DDI2: variants seen among roughly 807,000 people sequenced by gnomAD.
DDI2 encodes protein DDI1 homolog 2.
DDI2 carries 5 observed loss-of-function variants against 48.1 expected under a neutral mutation model. The ratio of observed to expected loss-of-function variants is 0.10; its 90% CI spans 0.05 to 0.22. The LOEUF is 0.22. DDI2 is among the 10% of genes least tolerant of loss of function. The pLI is 1.00. For synonymous variants in DDI2, 205 were observed against 183.6 expected, an observed-to-expected ratio of 1.12 and a Z score of -0.94; for missense variants, 285 against 506.2, an observed-to-expected ratio of 0.56 and a Z score of 4.19.
chr1:15,617,577 C>G lies in DDI2; in HGVS notation c.-94C>G, dbSNP rs897902017. On this transcript the variant is annotated 5_prime_UTR_variant, in exon 1 of 10. Transcript: ENST00000480945. ...GCGAACGAGCAGCCGGCGCCGTCCT[C>G]CCGCAGCACCAGCCAGGCCACGCCG... is the stretch of plus-strand genomic sequence containing the variant. 4.5e-6 allele frequency: 5 copies of G among 1,116,632 alleles called. No individual in the cohort carries two copies. Among genetic ancestry groups the G allele is most frequent in the Non-Finnish European group, 4.6e-6 (4 of 878,972 alleles). The allele number at this position is 1,116,632 out of a possible 1,614,324, so 69.2% of individuals were successfully genotyped here.
At chr1:15,652,249 G>T (rs1364469111) in intron 8 of DDI2, among the ~76,000 whole-genome samples, 1 of 151,200 alleles carries the variant, frequency 6.6e-6, no homozygotes, top group East Asian at 2.0e-4. Context: ...GCAGAGATAG[G>T]GTCTTGCTGT....
rs188134641 is a variant in DDI2, at chr1:15,666,371, G to A, written c.*6581G>A. On this transcript the variant is annotated 3_prime_UTR_variant, in exon 10 of 10. Transcript: ENST00000480945. ...CTCCTGGAGATGGAGGGCACACAGAGTGGTCCTCAGGCTCACCTTGACTGA... is the reference window on the plus strand; with the variant it reads ...CTCCTGGAGATGGAGGGCACACAGAATGGTCCTCAGGCTCACCTTGACTGA... The A allele has an allele frequency of 2.0e-5, 3 of 152,304 alleles. No homozygotes were observed. The highest frequency in any genetic ancestry group is 4.4e-5 in the Non-Finnish European group (3 of 68,022). The allele number at this position is 152,304 out of a possible 1,614,324, so 9.4% of individuals were successfully genotyped here. A position where few individuals can be genotyped will look rare whatever the true frequency, so the allele number is the denominator to read the frequency against.
intron 3 of DDI2, 106 bp downstream of exon 3, chr1:15,630,667 A>G (rs1242025789): frequency 2.5e-6 from 2 of 795,926 alleles, no homozygotes; most frequent in East Asian, 2.4e-5. Context: ...TGATTTATTG[A>G]ACATACCAGT....
intron 1 of DDI2, among the ~76,000 whole-genome samples, chr1:15,626,467 G>A (rs1639756533): frequency 6.6e-6 from 1 of 152,198 alleles, no homozygotes; most frequent in South Asian, 2.1e-4. Flanking sequence ...AGTGAAAGGC[G>A]AAGTCAGGAG....
At chr1:15,637,608 T>TC (rs747312225) in intron 4 of DDI2, among the ~76,000 whole-genome samples, 4 of 152,220 alleles carry the variant, frequency 2.6e-5, no homozygotes, top group African/African-American at 4.8e-5. Context: ...CCTCCGGTGA[T>TC]CCACCCGCCT....
chr1:15,626,097 T>C (rs1158392261), intron 1 of DDI2, among the ~76,000 whole-genome samples: 1 of 152,214 alleles, frequency 6.6e-6, no homozygotes, highest in Non-Finnish European at 1.5e-5. Flanking sequence ...TGCTAAAAAT[T>C]AAATCTAAAA....
At chr1:15,648,977 A>C (rs1640133810) in intron 6 of DDI2, among the ~76,000 whole-genome samples, 1 of 152,184 alleles carries the variant, frequency 6.6e-6, no homozygotes, top group South Asian at 2.1e-4. Context: ...TCACTCTTGT[A>C]ATCCCAGCAC....
chr1:15,634,524 T>A (rs916677566), intron 4 of DDI2, among the ~76,000 whole-genome samples: 2 of 121,512 alleles, frequency 1.6e-5, no homozygotes, highest in Non-Finnish European at 3.3e-5. Context: ...TTTTTAAACT[T>A]CTTATTCTTT....
chr1:15,648,851 A>C (rs1293405567), intron 6 of DDI2, among the ~76,000 whole-genome samples: 1 of 151,062 alleles, frequency 6.6e-6, no homozygotes, highest in African/African-American at 2.4e-5. Flanking sequence ...AAAAAAAAAA[A>C]ACAACCCTAA....
intron 4 of DDI2, among the ~76,000 whole-genome samples, 184 bp from the exon 5 acceptor site, chr1:15,638,123 G>A (rs1259689083): frequency 6.6e-6 from 1 of 152,118 alleles, no homozygotes; most frequent in African/African-American, 2.4e-5. Context: ...TCTGCCAGCT[G>A]TTCATCTTAC....
At chr1:15,624,652 T>C (rs915991833) in intron 1 of DDI2, among the ~76,000 whole-genome samples, 2 of 152,054 alleles carry the variant, frequency 1.3e-5, no homozygotes, top group East Asian at 3.9e-4. Flanking sequence ...TTTTTTTTTT[T>C]AGATATGCGG....
intron 5 of DDI2, among the ~76,000 whole-genome samples, chr1:15,640,119 G>A (rs1201845978): frequency 1.3e-5 from 2 of 152,080 alleles, no homozygotes; most frequent in Non-Finnish European, 2.9e-5. Context: ...TTGTGGGTAG[G>A]GCCTTGTGCT....
rs983028449 is a variant in DDI2, at chr1:15,621,464, A to G, written c.138+3656A>G. ...CAGTAGTGCGCTCACAGGTCACTGT[A>G]GCCTCAACCTCCTGGGCTCAAGTGA... On this transcript the variant is annotated intron_variant, in intron 1 of 9. Transcript: ENST00000480945. Among the ~76,000 whole-genome samples the G allele has an allele frequency of 6.2e-4, 95 of 152,174 alleles. 1 individual carries two copies. The highest frequency in any genetic ancestry group is 2.2e-3 in the African/African-American group (92 of 41,528).
Position 15,660,607 on chromosome 1 carries a change from A to G in DDI2, c.*817A>G. ...ATGCAGTGGCTGCTCAAATTCAGAA[A>G]CATTTATGGAAATCGATACAGCTCA... On this transcript the variant is annotated 3_prime_UTR_variant, in exon 10 of 10. Transcript: ENST00000480945. 1 of 1,613,982 alleles carries G rather than the reference A, an allele frequency of 6.2e-7. No homozygotes were observed. The highest frequency in any genetic ancestry group is 8.5e-7 in the Non-Finnish European group (1 of 1,179,976).
At chr1:15,621,593 C>G (rs577934879) in intron 1 of DDI2, among the ~76,000 whole-genome samples, 56 of 152,232 alleles carry the variant, frequency 3.7e-4, no homozygotes, top group African/African-American at 1.3e-3. Flanking sequence ...ACTGTGTTGG[C>G]CACGCTGGTC....
Position 15,666,267 on chromosome 1 carries a change from C to G in DDI2, c.*6477C>G, listed in dbSNP as rs1246114855. ...CGATGTGCTTGATTTTCTTTTGTGC[C>G]TTAGTTTCTCTGAATAGCAGAGGCA... On this transcript the variant is annotated 3_prime_UTR_variant, in exon 10 of 10. Coordinates refer to ENST00000480945, the MANE Select transcript of DDI2 (RefSeq NM_032341.5). The G allele has an allele frequency of 6.6e-6, 1 of 152,016 alleles. No homozygotes were observed. Among genetic ancestry groups the G allele is most frequent in the East Asian group, 1.9e-4 (1 of 5,182 alleles). The allele number at this position is 152,016 out of a possible 1,614,324, so 9.4% of individuals were successfully genotyped here. A position where few individuals can be genotyped will look rare whatever the true frequency, so the allele number is the denominator to read the frequency against.
At chr1:15,648,312 C>T (rs1045176761) in intron 6 of DDI2, among the ~76,000 whole-genome samples, 7 of 152,124 alleles carry the variant, frequency 4.6e-5, no homozygotes, top group Non-Finnish European at 7.4e-5. Flanking sequence ...ATTTTACAAC[C>T]GTGGCTATGA....
At chr1:15,637,873 G>A (rs1639952535) in intron 4 of DDI2, among the ~76,000 whole-genome samples, 1 of 152,158 alleles carries the variant, frequency 6.6e-6, no homozygotes, top group South Asian at 2.1e-4. Context: ...TGAAGCAGCA[G>A]ATGCAGCACA....
rs1640460409 is a variant in DDI2, at chr1:15,666,781, C to T, written c.*6991C>T. 6.6e-6 allele frequency: 1 copy of T among 152,170 alleles called. No individual in the cohort carries two copies. Among genetic ancestry groups the T allele is most frequent in the Non-Finnish European group, 1.5e-5 (1 of 68,038 alleles). The allele number at this position is 152,170 out of a possible 1,614,324, so 9.4% of individuals were successfully genotyped here. ...AAACAAATTTTAGCTTCAAAAGCAA[C>T]ATCTATTTTTGCCTGTTAGCATGCA... On this transcript the variant is annotated 3_prime_UTR_variant, in exon 10 of 10. Coordinates refer to ENST00000480945, the MANE Select transcript of DDI2 (RefSeq NM_032341.5).
Sources: gnomAD v4.1 joint callset for allele counts (sites outside exome capture counted in the v4.1 genomes callset) on GRCh38, gnomAD v4.1.1 for gene constraint, MANE v1.5 for transcripts, NCBI Gene and HGNC (gene_info 2026-07-23, HGNC 2026-07-21) for gene names.